Variants in GRIP1 observed in about 807,000 individuals in gnomAD.
GRIP1 encodes glutamate receptor interacting protein 1.
GRIP1 carries 45 observed loss-of-function variants against 129.9 expected under a neutral mutation model. The ratio of observed to expected loss-of-function variants is 0.35; its 90% CI spans 0.27 to 0.44. The LOEUF (loss-of-function observed/expected upper bound fraction) is 0.44, where lower values mean the gene tolerates loss of function less well. GRIP1 is among the 20% of genes least tolerant of loss of function. GRIP1 has a pLI of 1.00. For synonymous variants in GRIP1, 530 were observed against 520.8 expected, an observed-to-expected ratio of 1.02 and a Z score of -0.24; for missense variants, 1,196 against 1,396.8, an observed-to-expected ratio of 0.86 and a Z score of 2.29.
intron 1 of GRIP1, among the ~76,000 whole-genome samples, chr12:66,926,947 A>G (rs2041306640): frequency 6.6e-6 from 1 of 152,234 alleles, no homozygotes; most frequent in Non-Finnish European, 1.5e-5. Context: ...AAATCTAATT[A>G]GAATGCTCAT....
At chr12:66,757,062 C>T (rs1352484361) in intron 1 of GRIP1, among the ~76,000 whole-genome samples, 1 of 152,162 alleles carries the variant, frequency 6.6e-6, no homozygotes, top group East Asian at 1.9e-4. Flanking sequence ...ATGAGGTATC[C>T]ATTACTTCAA....
intron 1 of GRIP1, among the ~76,000 whole-genome samples, chr12:67,025,234 G>A (rs1013646094): frequency 6.6e-6 from 1 of 152,114 alleles, no homozygotes; most frequent in Admixed American, 6.6e-5. Flanking sequence ...CCAGCTACTT[G>A]GGAGGCTGAG....
intron 23 of GRIP1, among the ~76,000 whole-genome samples, chr12:66,356,815 A>G (rs2137116810): frequency 6.6e-6 from 1 of 152,336 alleles, no homozygotes; most frequent in South Asian, 2.1e-4. Flanking sequence ...TGTGATAGCC[A>G]CCACTTCCTA....
intron 1 of GRIP1, among the ~76,000 whole-genome samples, chr12:66,645,960 G>A (rs546994719): frequency 1.3e-5 from 2 of 152,250 alleles, no homozygotes; most frequent in East Asian, 3.9e-4. Flanking sequence ...ATACTGTATG[G>A]AGCCATCAGT....
In GRIP1 at chr12:66,442,558, G is replaced by T. The variant is rs1388834025; in HGVS notation, c.1687+2026C>A. Among the ~76,000 whole-genome samples, 5 of 152,144 alleles carry T rather than the reference G, an allele frequency of 3.3e-5. No individual in the cohort carries two copies. In the South Asian group the frequency reaches 1.0e-3, roughly 32 times the overall value. Reference sequence around the variant, plus strand: ...AATGAATTAATTTTTTTGAGACAGGGTCTCACTCTGTCACCCAGGCTGGGG... The same window carrying T: ...AATGAATTAATTTTTTTGAGACAGGTTCTCACTCTGTCACCCAGGCTGGGG... On this transcript the variant is annotated intron_variant, in intron 13 of 24. Transcript: ENST00000359742.
intron 1 of GRIP1, among the ~76,000 whole-genome samples, chr12:66,904,296 C>T (rs1196162339): frequency 6.6e-6 from 1 of 152,164 alleles, no homozygotes; most frequent in Non-Finnish European, 1.5e-5. Context: ...ATTTCAAACC[C>T]CTGCATGGTG....
chr12:66,698,675 G>A (rs2035247610), intron 1 of GRIP1, among the ~76,000 whole-genome samples: 1 of 152,006 alleles, frequency 6.6e-6, no homozygotes, highest in Non-Finnish European at 1.5e-5. Context: ...CACCTCCTTT[G>A]TTGGCTCTAG....
intron 1 of GRIP1, among the ~76,000 whole-genome samples, chr12:66,870,042 T>C (rs1014713945): frequency 6.6e-6 from 1 of 152,110 alleles, no homozygotes; most frequent in African/African-American, 2.4e-5. Context: ...ACCCATTAGA[T>C]GCCAGTAACA....
rs1226352596 is a variant in GRIP1, at chr12:66,541,908, T to C, written c.179A>G (p.Glu60Gly). The stretch of plus-strand genomic sequence containing the variant: ...TACCGTCAGACCCAGGGTAGTGCCT[T>C]CCTTCTTCATCAGCTCGACGACTGT... ...GSTVVELMKKEGTTLGLTVSG... is the reference protein window; with the variant it reads ...GSTVVELMKKGGTTLGLTVSG... The change falls in exon 3 of 25, where the codon GAA becomes GGA. Residue 60 changes from glutamate (E) to glycine (G), a missense_variant. Coordinates refer to ENST00000359742, the MANE Select transcript of GRIP1 (RefSeq NM_001366722.1). 6.2e-7 allele frequency: 1 copy of C among 1,613,952 alleles called. No individual in the cohort carries two copies. Among genetic ancestry groups the C allele is most frequent in the Admixed American group, 1.7e-5 (1 of 60,022 alleles).
At chr12:66,523,159 G>A (rs568080042) in intron 5 of GRIP1, among the ~76,000 whole-genome samples, 1 of 147,668 alleles carries the variant, frequency 6.8e-6, no homozygotes, top group Admixed American at 6.8e-5. Flanking sequence ...CCAACATTCA[G>A]ATTCAGGAAA....
chr12:67,006,352 C>T (rs1362185709), intron 1 of GRIP1, among the ~76,000 whole-genome samples: 1 of 152,046 alleles, frequency 6.6e-6, no homozygotes, highest in African/African-American at 2.4e-5. Context: ...ATCACTTGAG[C>T]CTAGCAGTTC....
chr12:66,546,594 CT>C (rs2139268262), intron 2 of GRIP1, among the ~76,000 whole-genome samples: 1 of 152,252 alleles, frequency 6.6e-6, no homozygotes, highest in African/African-American at 2.4e-5. Context: ...ATATGACATA[CT>C]GTTTTTTGAC....
intron 1 of GRIP1, among the ~76,000 whole-genome samples, chr12:66,722,209 C>T (rs941338819): frequency 5.3e-5 from 8 of 152,138 alleles, no homozygotes; most frequent in African/African-American, 1.9e-4. Flanking sequence ...ACATGCCTTC[C>T]TCAATAAGCT....
At chr12:66,901,776 C>T (rs972458099) in intron 1 of GRIP1, among the ~76,000 whole-genome samples, 1 of 152,102 alleles carries the variant, frequency 6.6e-6, no homozygotes, top group Non-Finnish European at 1.5e-5. Flanking sequence ...GCAAGAGACA[C>T]GGAGCAACAG....
At chr12:66,896,480 G>GAAAAAAAAAAAAAAAAAAAAAA (rs5798843) in intron 1 of GRIP1, among the ~76,000 whole-genome samples, 1 of 107,842 alleles carries the variant, frequency 9.3e-6, no homozygotes, top group Non-Finnish European at 2.0e-5. Context: ...TGAGGAATTT[G>GAAAAAAAAAAAAAAAAAAAAAA]AAAAAAAAAA....
chr12:66,727,232 T>C (rs925397882), intron 1 of GRIP1, among the ~76,000 whole-genome samples: 8 of 152,220 alleles, frequency 5.3e-5, no homozygotes, highest in African/African-American at 1.9e-4. Context: ...TTTCCTGTAA[T>C]AGGATAACAG....
At position 66,717,464 on chromosome 12, in the gene GRIP1, T is replaced by C. The variant is rs1368734429; in HGVS notation, c.-420+86589A>G. On this transcript the variant is annotated intron_variant, in intron 1 of 4. Transcript: ENST00000538373. ...AAAATGTACGCATCTGATGTCACCA[T>C]AGCTTTGCAAAGGGTGTATACACAG... Among the ~76,000 whole-genome samples the C allele has an allele frequency of 3.3e-5, 5 of 151,740 alleles. No homozygotes were observed. In the South Asian group the frequency reaches 6.2e-4, roughly 19 times the overall value.
At position 66,779,379 on chromosome 12, in the gene GRIP1, A is replaced by C. The variant is rs190611776; in HGVS notation, c.-420+24674T>G. ...GATTTTAGTTCTGTATTCAAAAAAA[A>C]CCATTAAGAGTCACTTAAATTTTTC... is the stretch of plus-strand genomic sequence containing the variant. On this transcript the variant is annotated intron_variant, in intron 1 of 4. Transcript: ENST00000538373. 3.8e-3 allele frequency among the ~76,000 whole-genome samples: 581 copies of C among 152,318 alleles called. 5 individuals carry two copies. The highest frequency in any genetic ancestry group is 0.012 in the African/African-American group (508 of 41,582).
intron 1 of GRIP1, among the ~76,000 whole-genome samples, chr12:67,059,414 G>A (rs1389912672): frequency 6.6e-6 from 1 of 152,200 alleles, no homozygotes; most frequent in Non-Finnish European, 1.5e-5. Context: ...GCCACCAAAT[G>A]TGCCAAGTCC....
Sources: allele counts gnomAD v4.1 joint callset (sites outside exome capture counted in the v4.1 genomes callset), GRCh38; gene constraint gnomAD v4.1.1; transcripts MANE v1.5; gene names NCBI Gene and HGNC (gene_info 2026-07-23, HGNC 2026-07-21).